The following DCDC2 variants were observed in gnomAD, a reference collection of about 807,000 sequenced individuals.
DCDC2 encodes doublecortin domain-containing protein 2.
Under a neutral mutation model 50.2 loss-of-function variants are expected in DCDC2, and 40 were observed. The ratio of observed to expected loss-of-function variants is 0.80; its 90% CI spans 0.62 to 1.04. The LOEUF is 1.04. Ranked by LOEUF, DCDC2 falls within the 50% of genes least tolerant of loss-of-function variation. The pLI is 0.00. For synonymous variants in DCDC2, 234 were observed against 210.6 expected (o/e 1.11, Z -0.96); for missense variants, 570 against 581.9 (o/e 0.98, Z 0.21).
chr6:24,259,212 C>T (rs916867587), intron 7 of DCDC2, among the ~76,000 whole-genome samples: 1 of 151,810 alleles, frequency 6.6e-6, no homozygotes, highest in African/African-American at 2.4e-5. Context: ...CGTGACAAAT[C>T]AAGGTAAAAA....
rs143696287 is a variant in DCDC2 at position 24,268,968 on chromosome 6, G to A, written c.922+9081C>T. Among the ~76,000 whole-genome samples, 644 of 152,262 alleles carry A rather than the reference G, an allele frequency of 4.2e-3. 3 individuals are homozygous for A. Among genetic ancestry groups the A allele is most frequent in the African/African-American group, 0.014 (594 of 41,538 alleles). On this transcript the variant is annotated intron_variant, in intron 7 of 9. Coordinates refer to ENST00000378454, the MANE Select transcript of DCDC2 (RefSeq NM_016356.5). ...AATTGTATAAAATAAGAATAAATGG[G>A]TAGCTTTAAACCTACAAAGCTCAAA...
At chr6:24,283,843 G>C (rs797007552) in intron 6 of DCDC2, among the ~76,000 whole-genome samples, 2 of 152,202 alleles carry the variant, frequency 1.3e-5, no homozygotes, top group Non-Finnish European at 1.5e-5. Flanking sequence ...AGCCGAGTTT[G>C]TGAGAACCTA....
In DCDC2 at chr6:24,357,556, G is replaced by A; in HGVS notation, c.195C>T (p.Ile65=). Reference sequence around the variant, plus strand: ...TTCGGTGGCCAGTCCGCGGGGTGTAGATGTTCCTGACGGCCCCAAAGGGTG... The same window carrying A: ...TTCGGTGGCCAGTCCGCGGGGTGTAAATGTTCCTGACGGCCCCAAAGGGTG... The part of the protein sequence containing the change: ...VQAPFGAVRN[I]YTPRTGHRIR... Residue 65 remains isoleucine (I), a synonymous_variant, in exon 1 of 10, where the codon ATC becomes ATT. Coordinates refer to ENST00000378454, the MANE Select transcript of DCDC2 (RefSeq NM_016356.5). 6.2e-7 allele frequency: 1 copy of A among 1,613,552 alleles called. No homozygotes were observed. The highest frequency in any genetic ancestry group is 8.5e-7 in the Non-Finnish European group (1 of 1,180,034).
upstream of DCDC2, among the ~76,000 whole-genome samples, chr6:24,359,104 T>C (rs1238030507): frequency 1.7e-5 from 1 of 60,188 alleles, no homozygotes; most frequent in Non-Finnish European, 2.6e-5. Flanking sequence ...ATATATTTTA[T>C]ATATTATATA....
chr6:24,335,719 A>C (rs62400448), intron 2 of DCDC2, among the ~76,000 whole-genome samples: 10,806 of 152,260 alleles, frequency 0.071, 383 homozygotes, highest in African/African-American at 0.092. Context: ...ATCATGGCAG[A>C]AGGGGAAGCA....
chr6:24,280,377 T>A (rs1763445506), intron 6 of DCDC2, among the ~76,000 whole-genome samples: 1 of 151,944 alleles, frequency 6.6e-6, no homozygotes, highest in Admixed American at 6.6e-5. Flanking sequence ...GGTTTTTTTT[T>A]TTTTTCTTTT....
At chr6:24,201,404 C>A (rs1761584719) in intron 8 of DCDC2, among the ~76,000 whole-genome samples, 1 of 152,124 alleles carries the variant, frequency 6.6e-6, no homozygotes, top group Admixed American at 6.6e-5. Flanking sequence ...TGAATGACTA[C>A]TGGTACATAA....
At chr6:24,321,709 GC>G (rs2113852174) in intron 2 of DCDC2, among the ~76,000 whole-genome samples, 1 of 152,242 alleles carries the variant, frequency 6.6e-6, no homozygotes, top group South Asian at 2.1e-4. Flanking sequence ...AAAAGCAAAA[GC>G]GATATCACTG....
Position 24,301,842 on chromosome 6 carries a change from T to A in DCDC2, c.430A>T (p.Ile144Phe). Residue 144 changes from isoleucine to phenylalanine, a missense_variant, in exon 4 of 10, where the codon ATT (isoleucine) becomes TTT (phenylalanine). Coordinates refer to ENST00000378454, the MANE Select transcript of DCDC2 (RefSeq NM_016356.5). Reference sequence around the variant, plus strand: ...GGGTTTATGAGGTCTCCATTTGCAATCAAGCTGGAAAACAGGGGGCAAACC... The same window carrying A: ...GGGTTTATGAGGTCTCCATTTGCAAACAAGCTGGAAAACAGGGGGCAAACC... ...PLQEPCTIFL[I>F]ANGDLINPAS... 2 of 1,614,108 alleles carry A rather than the reference T, an allele frequency of 1.2e-6. No homozygotes were observed. Among genetic ancestry groups the A allele is most frequent in the Non-Finnish European group, 1.7e-6 (2 of 1,180,018 alleles).
At chr6:24,214,983 A>G (rs533691298) in intron 7 of DCDC2, among the ~76,000 whole-genome samples, 52 of 152,352 alleles carry the variant, frequency 3.4e-4, no homozygotes, top group African/African-American at 1.3e-3. Flanking sequence ...AGCCACAGAA[A>G]GATGAACAAG....
In DCDC2 at chr6:24,311,526, T is replaced by G; in HGVS notation, c.349-9482A>C. ...GCATCAAATACTTTCCATATGTTACTTTGACTTTTCACAATATCATTCTAA... is the reference window on the plus strand; with the variant it reads ...GCATCAAATACTTTCCATATGTTACGTTGACTTTTCACAATATCATTCTAA... On this transcript the variant is annotated intron_variant, in intron 2 of 9. Transcript: ENST00000378454. 1.3e-5 allele frequency among the ~76,000 whole-genome samples: 2 copies of G among 152,258 alleles called. 1 individual carries two copies. Among genetic ancestry groups the G allele is most frequent in the East Asian group, 3.8e-4 (2 of 5,208 alleles).
At chr6:24,359,683 G>C (rs561995455), upstream of DCDC2, among the ~76,000 whole-genome samples, 2 of 148,748 alleles carry the variant, frequency 1.3e-5, no homozygotes, top group African/African-American at 5.0e-5. Flanking sequence ...GCTCACTTGA[G>C]CCCGGGAGTT....
At chr6:24,332,290 C>T (rs1223371427) in intron 2 of DCDC2, among the ~76,000 whole-genome samples, 1 of 152,120 alleles carries the variant, frequency 6.6e-6, no homozygotes, top group Admixed American at 6.6e-5. Context: ...AGTGATGCTG[C>T]GTGATGTCCA....
rs556287517 is a variant in DCDC2 at position 24,306,668 on chromosome 6, G to C, written c.349-4624C>G. Among the ~76,000 whole-genome samples the C allele has an allele frequency of 4.6e-5, 7 of 152,272 alleles. No homozygotes were observed. The East Asian group carries it at 1.4e-3, about 29-fold the overall frequency. The stretch of plus-strand genomic sequence containing the variant: ...TGGAATGGGATGAGCTAGGAGTCTA[G>C]TGCAGAATTTGGATACAAATCACAT... On this transcript the variant is annotated intron_variant, in intron 2 of 9. Coordinates refer to ENST00000378454, the MANE Select transcript of DCDC2 (RefSeq NM_016356.5).
chr6:24,240,053 G>T (rs1431185236), intron 7 of DCDC2, among the ~76,000 whole-genome samples: 1 of 152,176 alleles, frequency 6.6e-6, no homozygotes, highest in African/African-American at 2.4e-5. Context: ...CAACAAGGAG[G>T]CAGGCAATGT....
At chr6:24,368,428 A>G in the DCDC2 span, among the ~76,000 whole-genome samples, 1 of 152,184 alleles carries the variant, frequency 6.6e-6, no homozygotes, top group African/African-American at 2.4e-5. Context: ...ATAGGCACAT[A>G]ACAAAAAATC....
chr6:24,312,592 C>G (rs1759593008), intron 2 of DCDC2, among the ~76,000 whole-genome samples: 1 of 152,268 alleles, frequency 6.6e-6, no homozygotes, highest in African/African-American at 2.4e-5. Context: ...GATGAAACCA[C>G]TCATCTCTAC....
chr6:24,292,965 T>G (rs1046527414), intron 4 of DCDC2, among the ~76,000 whole-genome samples: 4 of 152,230 alleles, frequency 2.6e-5, no homozygotes, highest in Non-Finnish European at 4.4e-5. Flanking sequence ...CAAGCACTAT[T>G]TTTCTACTTT....
At chr6:24,203,377 C>A (rs1298790889) in intron 8 of DCDC2, among the ~76,000 whole-genome samples, 4 of 152,104 alleles carry the variant, frequency 2.6e-5, no homozygotes, top group African/African-American at 9.7e-5. Context: ...CAAAAACAAG[C>A]AATGGGGAAA....
Sources: allele counts gnomAD v4.1 joint callset (sites outside exome capture counted in the v4.1 genomes callset), GRCh38; gene constraint gnomAD v4.1.1; transcripts MANE v1.5; gene names NCBI Gene and HGNC (gene_info 2026-07-23, HGNC 2026-07-21).